MX2: variants seen among roughly 807,000 people sequenced by gnomAD.
The protein encoded by MX2 is interferon-induced GTP-binding protein Mx2.
Under a neutral mutation model 74.0 loss-of-function variants are expected in MX2, and 51 were observed. The observed-to-expected ratio is 0.69, with a 90% CI of 0.55 to 0.87. The LOEUF (loss-of-function observed/expected upper bound fraction) is 0.87. Among genes scored for constraint, MX2 ranks in the 40% least tolerant of loss-of-function variants. The pLI is 0.00. For synonymous variants in MX2, 369 were observed against 339.3 expected (o/e 1.09, Z -0.96); for missense variants, 832 against 908.7 (o/e 0.92, Z 1.09).
At chr21:41,382,339 C>A in intron 4 of MX2, 71 bp from the exon 5 acceptor site, 1 of 1,531,342 alleles carries the variant, frequency 6.5e-7, no homozygotes. Context: ...GCAGTCATTA[C>A]CTTCAGGAAC....
In MX2 at chr21:41,387,957, G is replaced by T. The variant is rs150584899; in HGVS notation, c.733-2608G>T. On this transcript the variant is annotated intron_variant, in intron 5 of 13. Coordinates refer to ENST00000330714, the MANE Select transcript of MX2 (RefSeq NM_002463.2). ...CTTTTCTCCTCCTCTCACACGACAC[G>T]TCCAGTCCACCTACAAAGCCTGCTG... is the stretch of plus-strand genomic sequence containing the variant. Among the ~76,000 whole-genome samples, 427 of 152,036 alleles carry T rather than the reference G, an allele frequency of 2.8e-3. 9 individuals are homozygous for T. The highest frequency in any genetic ancestry group is 0.023 in the Admixed American group (347 of 15,280).
At chr21:41,362,581 C>T (rs2089222188) in intron 1 of MX2, among the ~76,000 whole-genome samples, 1 of 151,596 alleles carries the variant, frequency 6.6e-6, no homozygotes, top group Non-Finnish European at 1.5e-5. Flanking sequence ...CTTCCGTTCT[C>T]ATGGTGTGAA....
chr21:41,401,773 T>C (rs2089817663), intron 10 of MX2, 197 bp from the exon 11 acceptor site: 6 of 524,474 alleles, frequency 1.1e-5, no homozygotes, highest in African/African-American at 9.9e-5. Flanking sequence ...TAGAATAAGA[T>C]TTTTTTCCCC....
rs1251483137 is a variant in MX2, at chr21:41,408,809, C to T, written c.*576C>T. The T allele has an allele frequency of 6.6e-6, 1 of 152,444 alleles. No homozygotes were observed. Among genetic ancestry groups the T allele is most frequent in the Non-Finnish European group, 1.5e-5 (1 of 68,222 alleles). 9.4% of individuals were successfully genotyped at this position (152,444 alleles called of 1,614,324 possible). A position where few individuals can be genotyped will look rare whatever the true frequency, so the allele number is the denominator to read the frequency against. ...GTTCACTGTCATTGTGTTTCCCAGC[C>T]TCTCCACTCCCCCGCCAGAAAGGAG... On this transcript the variant is annotated 3_prime_UTR_variant, in exon 14 of 14. Coordinates refer to ENST00000330714, the MANE Select transcript of MX2 (RefSeq NM_002463.2).
chr21:41,389,029 G>A (rs181830430), intron 5 of MX2, among the ~76,000 whole-genome samples: 6 of 152,308 alleles, frequency 3.9e-5, no homozygotes, highest in Admixed American at 3.3e-4. Flanking sequence ...ACCCTGGGCT[G>A]TGTGGTCTGT....
At chr21:41,392,892 G>A (rs1324345079) in intron 6 of MX2, among the ~76,000 whole-genome samples, 1 of 152,000 alleles carries the variant, frequency 6.6e-6, no homozygotes, top group Non-Finnish European at 1.5e-5. Context: ...ATCACCTGAG[G>A]TCAGGAGTTC....
intron 1 of MX2, among the ~76,000 whole-genome samples, chr21:41,371,895 T>C (rs775323178): frequency 6.6e-6 from 1 of 152,148 alleles, no homozygotes; most frequent in Non-Finnish European, 1.5e-5. Flanking sequence ...GCACGGCCAA[T>C]AAAGCTGGTG....
chr21:41,408,118 T>G lies in MX2; in HGVS notation c.2033T>G (p.Leu678Arg). ...CAGGAAAAAAATCGCTATTCCTGGC[T>G]GCTTCAAGAGCAGAGTGAGACCGCT... ...ILQEKNRYSWLLQEQSETATK... is the reference protein window; with the variant it reads ...ILQEKNRYSWRLQEQSETATK... The change falls in exon 14 of 14, where the codon CTG becomes CGG. Residue 678 changes from leucine to arginine, a missense_variant. Physicochemically the swap from Leu to Arg is moderately radical, Grantham distance 102. Coordinates refer to ENST00000330714, the MANE Select transcript of MX2 (RefSeq NM_002463.2). 6.2e-7 allele frequency: 1 copy of G among 1,614,230 alleles called. No homozygotes were observed. The highest frequency in any genetic ancestry group is 2.2e-5 in the East Asian group (1 of 44,888).
At chr21:41,365,789 T>C (rs1009511529) in intron 1 of MX2, 1 of 152,236 alleles carries the variant, frequency 6.6e-6, no homozygotes, top group Non-Finnish European at 1.5e-5. Flanking sequence ...TTAAGTTCTT[T>C]GAGGAGTCAC....
chr21:41,406,691 C>T, intron 12 of MX2, 53 bp from the exon 13 acceptor site: 1 of 1,562,710 alleles, frequency 6.4e-7, no homozygotes, highest in Non-Finnish European at 8.7e-7. Flanking sequence ...TTTGTTTAAG[C>T]CAACAGGAAA....
At chr21:41,385,994 TA>T (rs528285041) in intron 5 of MX2, among the ~76,000 whole-genome samples, 1 of 151,148 alleles carries the variant, frequency 6.6e-6, no homozygotes, top group African/African-American at 2.4e-5. Context: ...TTTGATTTGT[TA>T]AAAAAAATAC....
Position 41,381,295 on chromosome 21 carries a change from A to G in MX2, c.578-1115A>G, listed in dbSNP as rs76098623. The stretch of plus-strand genomic sequence containing the variant: ...TTCGTTGACATCTGTCTGGAGTCTC[A>G]CCAGCTGTGAGCTCTGTGGGGCAGG... On this transcript the variant is annotated intron_variant, in intron 4 of 13. Transcript: ENST00000330714. Among the ~76,000 whole-genome samples the G allele has an allele frequency of 7.3e-3, 1,114 of 152,320 alleles. 19 individuals are homozygous for G. The highest frequency in any genetic ancestry group is 0.025 in the African/African-American group (1,050 of 41,576).
At position 41,380,285 on chromosome 21, in the gene MX2, A is replaced by T; in HGVS notation, c.577+134A>T. 8.1e-7 allele frequency: 1 copy of T among 1,227,308 alleles called. No homozygotes were observed. Among genetic ancestry groups the T allele is most frequent in the South Asian group, 1.5e-5 (1 of 67,120 alleles). 76.0% of individuals were successfully genotyped at this position (1,227,308 alleles called of 1,614,324 possible). On this transcript the variant is annotated intron_variant, in intron 4 of 13. Coordinates refer to ENST00000330714, the MANE Select transcript of MX2 (RefSeq NM_002463.2). The surrounding 1 kb of genome is among the most constrained non-coding windows in gnomAD (Gnocchi z 4.3). ...CCCCATGTGCTCCCACATGGGGCTG[A>T]ACCCATTGCTGTCACCTCCACCATC...
Position 41,382,496 on chromosome 21 carries a change from A to G in MX2, c.664A>G (p.Thr222Ala), listed in dbSNP as rs2089509784. ...CACCTCCCCTGAGGTTCCAGACCTG[A>G]CCATCATTGACCTTCCCGGCATCAC... ...EITSPEVPDL[T>A]IIDLPGITRV... Residue 222 changes from threonine (T) to alanine (A), a missense_variant, in exon 5 of 14, where the codon ACC becomes GCC. Coordinates refer to ENST00000330714, the MANE Select transcript of MX2 (RefSeq NM_002463.2). The G allele has an allele frequency of 1.2e-6, 2 of 1,614,052 alleles. No homozygotes were observed. Among genetic ancestry groups the G allele is most frequent in the Non-Finnish European group, 1.7e-6 (2 of 1,180,044 alleles).
Position 41,406,002 on chromosome 21 carries a change from C to G in MX2, c.1651-742C>G, listed in dbSNP as rs532157138. On this transcript the variant is annotated intron_variant, in intron 12 of 13. Transcript: ENST00000330714. ...TACAGGAATGAGCCATCGCACCCGG[C>G]CTTTTTGAGACGGAGTTTCGCTCTT... Among the ~76,000 whole-genome samples, 17 of 151,402 alleles carry G rather than the reference C, an allele frequency of 1.1e-4. No homozygotes were observed. The South Asian group carries it at 3.3e-3, about 30-fold the overall frequency.
intron 6 of MX2, among the ~76,000 whole-genome samples, chr21:41,393,581 C>T (rs2145934519): frequency 6.6e-6 from 1 of 152,252 alleles, no homozygotes; most frequent in South Asian, 2.1e-4. Context: ...CATTCTTAGA[C>T]TCCTTGTCTC....
chr21:41,372,314 G>A (rs1178228205), intron 1 of MX2, among the ~76,000 whole-genome samples: 6 of 152,206 alleles, frequency 3.9e-5, no homozygotes, highest in African/African-American at 1.4e-4. Flanking sequence ...GAGTAATTTA[G>A]CTAGGAAGGC....
Position 41,382,430 on chromosome 21 carries a change from A to G in MX2, c.598A>G (p.Asn200Asp). The G allele has an allele frequency of 6.2e-7, 1 of 1,614,172 alleles. No homozygotes were observed. Among genetic ancestry groups the G allele is most frequent in the Non-Finnish European group, 8.5e-7 (1 of 1,180,040 alleles). Residue 200 changes from asparagine to aspartate, a missense_variant, in exon 5 of 14, where the codon AAT (asparagine) becomes GAT (aspartate). Coordinates refer to ENST00000330714, the MANE Select transcript of MX2 (RefSeq NM_002463.2). Reference protein sequence around the residue: ...IHKAQNVMAGNGRGISHELIS... With the variant: ...IHKAQNVMAGDGRGISHELIS... Reference sequence around the variant, plus strand: ...CATAGCCCAGAACGTCATGGCCGGGAATGGCCGGGGCATCAGCCATGAGCT... The same window carrying G: ...CATAGCCCAGAACGTCATGGCCGGGGATGGCCGGGGCATCAGCCATGAGCT...
chr21:41,386,158 T>G (rs1202413463), intron 5 of MX2, among the ~76,000 whole-genome samples: 2 of 138,954 alleles, frequency 1.4e-5, no homozygotes, highest in Non-Finnish European at 3.0e-5. Flanking sequence ...AGGCGGAGCT[T>G]GCAGTGAGCT....
Sources: allele counts gnomAD v4.1 joint callset (sites outside exome capture counted in the v4.1 genomes callset), GRCh38; gene constraint gnomAD v4.1.1; non-coding constraint Gnocchi (gnomAD v3.1); transcripts MANE v1.5; gene names NCBI Gene and HGNC (gene_info 2026-07-23, HGNC 2026-07-21).